Variants in SLC30A8 observed in about 807,000 individuals in gnomAD.
SLC30A8 encodes the protein solute carrier family 30 member 8.
SLC30A8 carries 27 observed loss-of-function variants against 36.9 expected under a neutral mutation model. That is an observed-to-expected ratio of 0.73 (90% CI 0.54 to 1.01). The LOEUF is 1.01. Among genes scored for constraint, SLC30A8 ranks in the 50% least tolerant of loss-of-function variants. The probability of loss-of-function intolerance (pLI) is 0.00; values close to 1 mark genes in which losing one functional copy is unlikely to be tolerated. For missense variants in SLC30A8, 439 were observed against 452.0 expected (o/e 0.97, Z 0.26); for synonymous variants, 164 against 172.4 (o/e 0.95, Z 0.38).
chr8:117,142,280 C>G (rs1821688967), intron 1 of SLC30A8, among the ~76,000 whole-genome samples: 1 of 152,076 alleles, frequency 6.6e-6, no homozygotes, highest in Non-Finnish European at 1.5e-5. Context: ...TTATTGTCAC[C>G]ACGTGGGTCA....
At chr8:117,169,335 TGA>T (rs778392612) in intron 6 of SLC30A8, among the ~76,000 whole-genome samples, 20 of 152,190 alleles carry the variant, frequency 1.3e-4, no homozygotes, top group Non-Finnish European at 2.4e-4. Flanking sequence ...GCTAAGCATG[TGA>T]GAGTTATTTA....
intron 2 of SLC30A8, among the ~76,000 whole-genome samples, chr8:117,070,078 G>A (rs6984249): frequency 0.35 from 53,443 of 152,054 alleles, 11,366 homozygotes; most frequent in African/African-American, 0.6. Context: ...CATTTCTATT[G>A]TAGGATGAAA....
chr8:116,986,110 A>G (rs1815434448), intron 1 of SLC30A8, among the ~76,000 whole-genome samples: 2 of 152,076 alleles, frequency 1.3e-5, no homozygotes, highest in South Asian at 2.1e-4. Context: ...TCTAACAGGA[A>G]CACCTAGTGG....
intron 1 of SLC30A8, among the ~76,000 whole-genome samples, chr8:117,141,678 C>A (rs1431616330): frequency 6.6e-6 from 1 of 152,104 alleles, no homozygotes; most frequent in Non-Finnish European, 1.5e-5. Flanking sequence ...AATGTGCAGT[C>A]TTTTATCATA....
At chr8:117,144,149 C>T (rs898195488) in intron 1 of SLC30A8, among the ~76,000 whole-genome samples, 2 of 152,160 alleles carry the variant, frequency 1.3e-5, no homozygotes, top group Non-Finnish European at 2.9e-5. Context: ...AGTTAGTACT[C>T]AGGTTCCTCT....
In SLC30A8 at chr8:117,175,912, C is replaced by T. The variant is rs138239033; in HGVS notation, c.*3231C>T. The stretch of plus-strand genomic sequence containing the variant: ...ATGAATTAATTAAAATAGTCGAATC[C>T]CTTTCTGACTGTCTCTGAAAGCTTC... On this transcript the variant is annotated 3_prime_UTR_variant, in exon 8 of 8. Transcript: ENST00000456015. 5.9e-5 allele frequency: 9 copies of T among 152,128 alleles called. No individual in the cohort carries two copies. The highest frequency in any genetic ancestry group is 3.9e-4 in the Admixed American group (6 of 15,264). The allele number at this position is 152,128 out of a possible 1,614,324, so 9.4% of individuals were successfully genotyped here.
intron 1 of SLC30A8, among the ~76,000 whole-genome samples, chr8:116,987,624 A>G (rs981456939): frequency 6.8e-6 from 1 of 147,654 alleles, no homozygotes; most frequent in African/African-American, 2.7e-5. Context: ...ATTTACCAAA[A>G]AAGAAAAAAA....
chr8:117,170,348 C>G (rs1443353425), intron 6 of SLC30A8, among the ~76,000 whole-genome samples: 3 of 152,094 alleles, frequency 2.0e-5, no homozygotes, highest in Non-Finnish European at 4.4e-5. Flanking sequence ...TTGTACATAA[C>G]TGAAGTAGAG....
At chr8:117,002,825 G>T (rs112738620) in intron 1 of SLC30A8, among the ~76,000 whole-genome samples, 1 of 152,214 alleles carries the variant, frequency 6.6e-6, no homozygotes, top group African/African-American at 2.4e-5. Context: ...GGATGGTCTC[G>T]ATCTCTTGAC....
chr8:117,037,509 C>T (rs1817252236), intron 1 of SLC30A8, among the ~76,000 whole-genome samples: 2 of 152,090 alleles, frequency 1.3e-5, no homozygotes, highest in African/African-American at 4.8e-5. Flanking sequence ...CACTGCCCCC[C>T]TCACCCACCG....
intron 1 of SLC30A8, among the ~76,000 whole-genome samples, chr8:116,951,472 G>A (rs1005746769): frequency 6.6e-6 from 1 of 152,052 alleles, no homozygotes; most frequent in Non-Finnish European, 1.5e-5. Context: ...GCTCCAAAAC[G>A]CCTTCTCTCT....
intron 2 of SLC30A8, among the ~76,000 whole-genome samples, chr8:117,093,075 G>C: frequency 6.6e-6 from 1 of 151,898 alleles, no homozygotes; most frequent in East Asian, 2.0e-4. Context: ...TAATACTAAG[G>C]TCTTAAAAAA....
chr8:117,117,116 ATTTATC>A (rs1321575439), intron 2 of SLC30A8, among the ~76,000 whole-genome samples: 5 of 152,098 alleles, frequency 3.3e-5, no homozygotes, highest in East Asian at 3.9e-4. Flanking sequence ...CTTTAGAATA[ATTTATC>A]TTTATATGAA....
At chr8:117,000,523 T>C (rs1174612873) in intron 1 of SLC30A8, among the ~76,000 whole-genome samples, 1 of 152,218 alleles carries the variant, frequency 6.6e-6, no homozygotes, top group Non-Finnish European at 1.5e-5. Flanking sequence ...ATGTGCTTAG[T>C]TTTGTGCCTG....
At chr8:117,077,842 C>T (rs1228314739) in intron 2 of SLC30A8, among the ~76,000 whole-genome samples, 1 of 152,206 alleles carries the variant, frequency 6.6e-6, no homozygotes, top group East Asian at 1.9e-4. Flanking sequence ...ACTAGCTGTA[C>T]ATGATTGCAA....
intron 2 of SLC30A8, among the ~76,000 whole-genome samples, chr8:117,081,320 A>G (rs141058122): frequency 3.1e-4 from 47 of 152,320 alleles, no homozygotes; most frequent in African/African-American, 9.9e-4. Context: ...CCAAGATCAA[A>G]GCGTGGGCAG....
At chr8:117,023,182 C>T (rs1222017315) in intron 1 of SLC30A8, among the ~76,000 whole-genome samples, 10 of 152,306 alleles carry the variant, frequency 6.6e-5, no homozygotes, top group Non-Finnish European at 1.2e-4. Flanking sequence ...TACCATCTCA[C>T]ACCAGTTAGA....
chr8:117,011,740 A>G (rs983084699), intron 1 of SLC30A8, among the ~76,000 whole-genome samples: 2 of 152,244 alleles, frequency 1.3e-5, no homozygotes, highest in African/African-American at 4.8e-5. Flanking sequence ...AACTTCTTAA[A>G]GTTTAATGGC....
At chr8:116,975,663 A>G (rs1814972075) in intron 1 of SLC30A8, among the ~76,000 whole-genome samples, 2 of 152,250 alleles carry the variant, frequency 1.3e-5, no homozygotes, top group South Asian at 4.1e-4. Flanking sequence ...GCAAGATTTC[A>G]GAAGGAAGAA....
Sources: allele counts gnomAD v4.1 joint callset (sites outside exome capture counted in the v4.1 genomes callset), GRCh38; gene constraint gnomAD v4.1.1; transcripts MANE v1.5; gene names NCBI Gene and HGNC (gene_info 2026-07-23, HGNC 2026-07-21).